The following PLEKHA8 variants were observed in gnomAD, a reference collection of about 807,000 sequenced individuals.
PLEKHA8 encodes pleckstrin homology domain-containing family A member 8.
PLEKHA8 carries 36 observed loss-of-function variants against 68.2 expected under a neutral mutation model. The observed-to-expected ratio is 0.53, with a 90% confidence interval of 0.40 to 0.70. The LOEUF (loss-of-function observed/expected upper bound fraction) is 0.70. PLEKHA8 is among the 30% of genes least tolerant of loss of function. The pLI, the probability that PLEKHA8 is intolerant of heterozygous loss-of-function variation, is 0.00. For synonymous variants in PLEKHA8, 211 were observed against 216.1 expected (o/e 0.98, Z 0.20); for missense variants, 505 against 615.4 (o/e 0.82, Z 1.90).
Position 30,054,853 on chromosome 7 carries a change from C to A in PLEKHA8, c.941C>A (p.Thr314Asn), listed in dbSNP as rs1226778797. 3.7e-6 allele frequency: 6 copies of A among 1,605,228 alleles called. No individual in the cohort carries two copies. Among genetic ancestry groups the A allele is most frequent in the Non-Finnish European group, 4.3e-6 (5 of 1,176,282 alleles). The part of the protein sequence containing the change: ...GKEVIPTFFS[T>N]MNTSFSDIEL... ...GAAGTTATCCCAACTTTCTTTAGTA[C>A]CATGAACACAAGGTATTCTAGACTC... Residue 314 changes from threonine (T) to asparagine (N), a missense_variant, in exon 8 of 14, where the codon ACC becomes AAC. Thr to Asn is a moderately conservative substitution (Grantham distance 65). Coordinates refer to ENST00000449726, the MANE Select transcript of PLEKHA8 (RefSeq NM_001197026.2).
chr7:30,087,441 C>A (rs1401996653), downstream of PLEKHA8, among the ~76,000 whole-genome samples: 2 of 152,200 alleles, frequency 1.3e-5, no homozygotes, highest in Non-Finnish European at 2.9e-5. Context: ...CCCTTAGAGA[C>A]CCTACCTTCA....
intron 9 of PLEKHA8, 29 bp downstream of exon 9, chr7:30,055,371 A>G (rs370951655): frequency 8.2e-6 from 13 of 1,588,304 alleles, no homozygotes; most frequent in Non-Finnish European, 1.1e-5. Context: ...CCTTACATTC[A>G]TTCATGTCTA....
chr7:30,040,764 C>G, intron 1 of PLEKHA8, among the ~76,000 whole-genome samples: 1 of 152,092 alleles, frequency 6.6e-6, no homozygotes, highest in East Asian at 1.9e-4. Context: ...TTACCCGCTA[C>G]CCCGTCCCTG....
chr7:30,121,626 C>CT (rs1408037531), intron 13 of PLEKHA8, among the ~76,000 whole-genome samples: 1 of 146,410 alleles, frequency 6.8e-6, no homozygotes, highest in Non-Finnish European at 1.5e-5. Flanking sequence ...GAGACCCTGT[C>CT]TAAAAAAAAA....
At chr7:30,054,641 C>T in intron 7 of PLEKHA8, 68 bp from the exon 8 acceptor site, 1 of 1,065,060 alleles carries the variant, frequency 9.4e-7, no homozygotes, top group Non-Finnish European at 1.2e-6. Context: ...TAGAAATTTT[C>T]AACAATCAAT....
chr7:30,038,767 A>G (rs768842262), intron 1 of PLEKHA8, among the ~76,000 whole-genome samples: 7 of 152,206 alleles, frequency 4.6e-5, no homozygotes, highest in Non-Finnish European at 8.8e-5. Context: ...CTGCTGAAAG[A>G]AAAATGAAGG....
intron 1 of PLEKHA8, among the ~76,000 whole-genome samples, chr7:30,036,686 G>C (rs1159309669): frequency 6.6e-6 from 1 of 152,152 alleles, no homozygotes; most frequent in African/African-American, 2.4e-5. Context: ...GTTTTAAAGA[G>C]AATTTGATAT....
intron 13 of PLEKHA8, among the ~76,000 whole-genome samples, chr7:30,076,559 A>G (rs949267927): frequency 6.6e-6 from 1 of 152,308 alleles, no homozygotes; most frequent in African/African-American, 2.4e-5. Flanking sequence ...GATAGATTCC[A>G]TTATTTTCCC....
At chr7:30,111,539 T>G (rs1212506026) in intron 13 of PLEKHA8, among the ~76,000 whole-genome samples, 1 of 152,208 alleles carries the variant, frequency 6.6e-6, no homozygotes, top group Non-Finnish European at 1.5e-5. Context: ...CTGTCTTATT[T>G]TTTAATTTTC....
chr7:30,030,711 T>C lies in PLEKHA8; in HGVS notation c.40+1909T>C, dbSNP rs1790595809. Among the ~76,000 whole-genome samples, 3 of 152,318 alleles carry C rather than the reference T, an allele frequency of 2.0e-5. No individual in the cohort carries two copies. The South Asian group carries it at 6.2e-4, about 32-fold the overall frequency. ...GGGTATTTTCCAGATATACATAGAA[T>C]GATGGTTCGGCATATTCTCTCCTTT... On this transcript the variant is annotated intron_variant, in intron 1 of 13. Coordinates refer to ENST00000449726, the MANE Select transcript of PLEKHA8 (RefSeq NM_001197026.2).
intron 13 of PLEKHA8, among the ~76,000 whole-genome samples, chr7:30,109,690 A>C (rs2128016650): frequency 6.7e-6 from 1 of 148,540 alleles, no homozygotes; most frequent in South Asian, 2.1e-4. Context: ...TTTTTTTTTA[A>C]AGACAGAGTC....
chr7:30,082,271 T>G lies in PLEKHA8; in HGVS notation c.*3484T>G. ...AGTCCAGCGTTGTTGCTTTTCTCTC[T>G]TCTTTGCTACTGAAAATTGCCAGCA... On this transcript the variant is annotated 3_prime_UTR_variant, in exon 14 of 14. Coordinates refer to ENST00000449726, the MANE Select transcript of PLEKHA8 (RefSeq NM_001197026.2). 2 of 985,420 alleles carry G rather than the reference T, an allele frequency of 2.0e-6. No individual in the cohort carries two copies. Among genetic ancestry groups the G allele is most frequent in the Non-Finnish European group, 2.4e-6 (2 of 829,886 alleles). 61.0% of individuals were successfully genotyped at this position (985,420 alleles called of 1,614,324 possible). A position where few individuals can be genotyped will look rare whatever the true frequency, so the allele number is the denominator to read the frequency against.
chr7:30,063,111 C>T (rs190437793), intron 12 of PLEKHA8, among the ~76,000 whole-genome samples: 24 of 152,228 alleles, frequency 1.6e-4, no homozygotes, highest in East Asian at 5.8e-4. Flanking sequence ...ACCATAACAG[C>T]GGGTTGGCGT....
intron 1 of PLEKHA8, among the ~76,000 whole-genome samples, chr7:30,041,104 C>G (rs755472028): frequency 2.6e-5 from 4 of 152,196 alleles, no homozygotes; most frequent in Non-Finnish European, 5.9e-5. Context: ...GGCTGTATCC[C>G]AGTTTCCCAG....
chr7:30,114,088 AGGGTTTTGCCATGTT>A (rs1332110964), intron 13 of PLEKHA8, among the ~76,000 whole-genome samples: 1 of 151,960 alleles, frequency 6.6e-6, no homozygotes, highest in Non-Finnish European at 1.5e-5. Flanking sequence ...TAATAGAGAC[AGGGTTTTGCCATGTT>A]GGCCAGGCTG....
In PLEKHA8 at chr7:30,080,228, TA is replaced by T. The variant is rs1270038959; in HGVS notation, c.*1442del. On this transcript the variant is annotated 3_prime_UTR_variant, in exon 14 of 14. Transcript: ENST00000449726. Reference sequence around the variant, plus strand: ...TAAGAAACATTGTTTCATAAAACAATATTGAGTGGGCATTCTTCTGCACAGT... The same window carrying T: ...TAAGAAACATTGTTTCATAAAACAATTTGAGTGGGCATTCTTCTGCACAGT... 16 of 985,270 alleles carry T rather than the reference TA, an allele frequency of 1.6e-5. No homozygotes were observed. The highest frequency in any genetic ancestry group is 1.9e-5 in the Non-Finnish European group (16 of 829,914). 61.0% of individuals were successfully genotyped at this position (985,270 alleles called of 1,614,324 possible).
downstream of PLEKHA8, among the ~76,000 whole-genome samples, chr7:30,088,586 C>T (rs1354158879): frequency 1.3e-5 from 2 of 152,020 alleles, no homozygotes; most frequent in African/African-American, 2.4e-5. Context: ...AGATCACAGC[C>T]CCTTCATCCC....
chr7:30,103,081 AG>A (rs1182059459), intron 13 of PLEKHA8, among the ~76,000 whole-genome samples: 28 of 151,754 alleles, frequency 1.8e-4, no homozygotes, highest in Admixed American at 1.8e-3. Flanking sequence ...AAAAAAAGAA[AG>A]AGAGAGAGAG....
At chr7:30,036,130 A>G (rs1476169707) in intron 1 of PLEKHA8, among the ~76,000 whole-genome samples, 2 of 151,860 alleles carry the variant, frequency 1.3e-5, no homozygotes, top group East Asian at 3.9e-4. Context: ...ATGGCACACG[A>G]CTGTAATCCC....
Sources: allele counts gnomAD v4.1 joint callset (sites outside exome capture counted in the v4.1 genomes callset), GRCh38; gene constraint gnomAD v4.1.1; transcripts MANE v1.5; gene names NCBI Gene and HGNC (gene_info 2026-07-23, HGNC 2026-07-21).